The following SLC25A48 variants were observed in gnomAD, a reference collection of about 807,000 sequenced individuals.
SLC25A48 encodes the protein solute carrier family 25 member 48.
Under a neutral mutation model 32.2 loss-of-function variants are expected in SLC25A48, and 29 were observed. The observed-to-expected ratio is 0.90, with a 90% confidence interval of 0.67 to 1.23. The LOEUF (loss-of-function observed/expected upper bound fraction) is 1.23. SLC25A48 is among the 50% of genes most tolerant of loss of function. The pLI is 0.00. For missense variants in SLC25A48, 399 were observed against 422.7 expected (o/e 0.94, Z 0.49); for synonymous variants, 164 against 172.3 (o/e 0.95, Z 0.38).
intron 3 of SLC25A48, among the ~76,000 whole-genome samples, chr5:135,680,061 C>T (rs1408879070): frequency 6.6e-6 from 1 of 152,180 alleles, no homozygotes; most frequent in Non-Finnish European, 1.5e-5. Context: ...TAGCCAATCC[C>T]AGCCAAGCAG....
chr5:135,631,237 G>A (rs1299583590), intron 2 of SLC25A48, among the ~76,000 whole-genome samples: 1 of 152,210 alleles, frequency 6.6e-6, no homozygotes, highest in African/African-American at 2.4e-5. Context: ...AATGGAAAAT[G>A]AGAAAAGGAA....
At chr5:135,859,278 G>C (rs537807493) in intron 4 of SLC25A48, among the ~76,000 whole-genome samples, 1 of 152,126 alleles carries the variant, frequency 6.6e-6, no homozygotes, top group Non-Finnish European at 1.5e-5. Flanking sequence ...GCAAAGTCAC[G>C]TCTTACATGG....
chr5:135,626,999 C>T (rs892204920), intron 1 of SLC25A48, among the ~76,000 whole-genome samples: 1 of 152,142 alleles, frequency 6.6e-6, no homozygotes, highest in African/African-American at 2.4e-5. Flanking sequence ...CCTGGCTTGG[C>T]ACAGGAGGTG....
At chr5:135,819,152 C>A (rs1214959621) in intron 4 of SLC25A48, among the ~76,000 whole-genome samples, 1 of 149,886 alleles carries the variant, frequency 6.7e-6, no homozygotes, top group Admixed American at 6.6e-5. Context: ...AAGAAATAGG[C>A]TAAAAAAAAA....
chr5:135,634,979 C>G (rs1025461476), intron 3 of SLC25A48: 3 of 152,220 alleles, frequency 2.0e-5, no homozygotes, highest in Non-Finnish European at 4.4e-5. Flanking sequence ...GTTGCTGCAG[C>G]TTTGTTTTAT....
intron 3 of SLC25A48, among the ~76,000 whole-genome samples, chr5:135,684,790 T>G (rs1335254790): frequency 6.6e-6 from 1 of 152,248 alleles, no homozygotes; most frequent in African/African-American, 2.4e-5. Context: ...TTCTAATGGC[T>G]GCAGAGTGTT....
chr5:135,743,272 A>T (rs2127002285), intron 3 of SLC25A48, among the ~76,000 whole-genome samples: 1 of 150,224 alleles, frequency 6.7e-6, no homozygotes, highest in Admixed American at 6.7e-5. Context: ...GTGTTTCTTT[A>T]TGTTGGACAG....
chr5:135,733,577 G>T (rs1297640597), intron 3 of SLC25A48, among the ~76,000 whole-genome samples: 1 of 152,140 alleles, frequency 6.6e-6, no homozygotes, highest in Non-Finnish European at 1.5e-5. Context: ...GATTTTGAGG[G>T]CCTCTAAAAG....
intron 3 of SLC25A48, among the ~76,000 whole-genome samples, chr5:135,788,720 T>A (rs1756926378): frequency 6.7e-6 from 1 of 150,220 alleles, no homozygotes; most frequent in Admixed American, 6.6e-5. Context: ...TTATTCCCCA[T>A]GTGGCGGGAG....
intron 4 of SLC25A48, among the ~76,000 whole-genome samples, chr5:135,827,887 G>T (rs1273630963): frequency 6.6e-6 from 1 of 152,118 alleles, no homozygotes; most frequent in Non-Finnish European, 1.5e-5. Context: ...GGCCCTCACT[G>T]CCCCCAAAGG....
chr5:135,800,897 G>T lies in SLC25A48; in HGVS notation c.-520-11626G>T, dbSNP rs1441075453. Among the ~76,000 whole-genome samples, 4 of 149,962 alleles carry T rather than the reference G, an allele frequency of 2.7e-5. No individual in the cohort carries two copies. The East Asian group carries it at 6.0e-4, about 22-fold the overall frequency. On this transcript the variant is annotated intron_variant, in intron 3 of 10. Transcript: ENST00000646290. ...AGAGGATGATATCACTCCCCATATC[G>T]CAGGGGCGTGTACACCCCTCTGTGA... is the stretch of plus-strand genomic sequence containing the variant.
At chr5:135,806,933 T>C (rs916965266) in intron 3 of SLC25A48, among the ~76,000 whole-genome samples, 9 of 150,538 alleles carry the variant, frequency 6.0e-5, no homozygotes, top group African/African-American at 1.7e-4. Flanking sequence ...AATATCGTAG[T>C]GTGTTAACAC....
At chr5:135,854,010 G>T (rs993765455) in intron 4 of SLC25A48, among the ~76,000 whole-genome samples, 1 of 152,154 alleles carries the variant, frequency 6.6e-6, no homozygotes, top group Admixed American at 6.5e-5. Context: ...CAGAACTCTT[G>T]GGTGACCAGG....
intron 3 of SLC25A48, among the ~76,000 whole-genome samples, chr5:135,721,144 C>T (rs1235929116): frequency 4.8e-5 from 7 of 145,924 alleles, no homozygotes; most frequent in East Asian, 2.0e-4. Flanking sequence ...TGGGTTCAAG[C>T]GATTCTCCTG....
At chr5:135,682,265 T>A (rs576803367) in intron 3 of SLC25A48, among the ~76,000 whole-genome samples, 2 of 152,196 alleles carry the variant, frequency 1.3e-5, no homozygotes, top group African/African-American at 4.8e-5. Flanking sequence ...TGCAGTCTGA[T>A]GTCTGAAAAC....
At chr5:135,775,537 G>T (rs1358445216) in intron 3 of SLC25A48, among the ~76,000 whole-genome samples, 3 of 151,606 alleles carry the variant, frequency 2.0e-5, no homozygotes, top group African/African-American at 7.3e-5. Context: ...TATCGCAGGG[G>T]CTGTACACCC....
chr5:135,787,659 T>G (rs1177505703), intron 3 of SLC25A48, among the ~76,000 whole-genome samples: 2 of 151,960 alleles, frequency 1.3e-5, no homozygotes, highest in Non-Finnish European at 2.9e-5. Context: ...CGTAATATCC[T>G]AGGGGGGATG....
chr5:135,605,618 C>T (rs1751916246), intron 1 of SLC25A48, among the ~76,000 whole-genome samples: 1 of 152,252 alleles, frequency 6.6e-6, no homozygotes, highest in Non-Finnish European at 1.5e-5. Flanking sequence ...TTCTTCACTA[C>T]CTCTACCACT....
At chr5:135,825,438 G>C (rs557061390) in intron 4 of SLC25A48, among the ~76,000 whole-genome samples, 5 of 152,174 alleles carry the variant, frequency 3.3e-5, no homozygotes, top group African/African-American at 4.8e-5. Flanking sequence ...AGGCAAGGCC[G>C]GTGGGTTTTA....
Sources: gnomAD v4.1 joint callset for allele counts (sites outside exome capture counted in the v4.1 genomes callset) on GRCh38, gnomAD v4.1.1 for gene constraint, MANE v1.5 for transcripts, NCBI Gene and HGNC (gene_info 2026-07-23, HGNC 2026-07-21) for gene names.